Variants in ARHGAP45 observed in about 807,000 individuals in gnomAD.
ARHGAP45 encodes Rho GTPase activating protein 45.
Under a neutral mutation model 116.1 loss-of-function variants are expected in ARHGAP45, and 56 were observed. The ratio of observed to expected loss-of-function variants is 0.48; its 90% confidence interval spans 0.39 to 0.60. The LOEUF is 0.60. ARHGAP45 is among the 20% of genes least tolerant of loss of function. The probability of loss-of-function intolerance (pLI) is 0.00; values close to 1 mark genes in which losing one functional copy is unlikely to be tolerated. For missense variants in ARHGAP45, 1,622 were observed against 1,601.0 expected (o/e 1.01, Z -0.22); for synonymous variants, 866 against 701.7 (o/e 1.23, Z -3.70).
intron 22 of ARHGAP45, among the ~76,000 whole-genome samples, chr19:1,084,617 C>T (rs559339399): frequency 3.3e-5 from 5 of 152,222 alleles, no homozygotes; most frequent in Non-Finnish European, 5.9e-5. Flanking sequence ...TGTGAGGCTC[C>T]AGGTGCACCA....
chr19:1,075,913 T>C (rs2043237590), intron 10 of ARHGAP45, among the ~76,000 whole-genome samples: 1 of 152,226 alleles, frequency 6.6e-6, no homozygotes, highest in African/African-American at 2.4e-5. Flanking sequence ...ATATCTGCCC[T>C]GTTTTGTACA....
chr19:1,074,883 AGGCG>A lies in ARHGAP45; in HGVS notation c.1185+15_1185+18del, dbSNP rs1229281015. On this transcript the variant is annotated splice_donor_5th_base_variant and intron_variant, in intron 10 of 22. Transcript: ENST00000313093. ...GCACCGTGCCCAGAGGAAGCTGGTGAGGCGGGCGGGCGGGGGCGGGCGGGGGCGG... is the reference window on the plus strand; with the variant it reads ...GCACCGTGCCCAGAGGAAGCTGGTGAGGCGGGCGGGGGCGGGCGGGGGCGG... 6.6e-4 allele frequency: 66 copies of A among 100,614 alleles called. No homozygotes were observed. Among genetic ancestry groups the A allele is most frequent in the East Asian group, 1.0e-3 (2 of 1,910 alleles). The allele number at this position is 100,614 out of a possible 1,614,324, so 6.2% of individuals were successfully genotyped here.
At chr19:1,067,713 C>T (rs1202336550) in intron 1 of ARHGAP45, 1 of 696,470 alleles carries the variant, frequency 1.4e-6, no homozygotes, top group Admixed American at 2.1e-5. Flanking sequence ...CCCTCCACTC[C>T]ATCCAGGGCT....
intron 2 of ARHGAP45, 79 bp from the exon 3 acceptor site, chr19:1,073,070 C>T: frequency 1.4e-6 from 2 of 1,472,146 alleles, no homozygotes; most frequent in Non-Finnish European, 1.8e-6. Flanking sequence ...GGAACAGGAG[C>T]TCTAAAGAGG....
chr19:1,081,660 C>T lies in ARHGAP45; in HGVS notation c.2301C>T (p.Ala767=), dbSNP rs773364539. 12 of 1,583,074 alleles carry T rather than the reference C, an allele frequency of 7.6e-6. No homozygotes were observed. The highest frequency in any genetic ancestry group is 5.4e-5 in the African/African-American group (4 of 74,160). ...TCGGCCAGGACTTCAGCCACGCGGC[C>T]CGCAGCGCCCCCGACGGCGTGCCCT... ...QLFGQDFSHA[A]RSAPDGVPFI... Residue 767 remains alanine (A), a synonymous_variant, in exon 18 of 23, where the codon GCC becomes GCT. Transcript: ENST00000313093.
chr19:1,080,098 C>G lies in ARHGAP45; in HGVS notation c.1683C>G (p.Pro561=). The change falls in exon 13 of 23, where the codon CCC becomes CCG. Residue 561 remains proline, a synonymous_variant. Coordinates refer to ENST00000313093, the MANE Select transcript of ARHGAP45 (RefSeq NM_012292.5). ...CCGATGTGCACTACGACTTTGAGCC[C>G]CACGTCTCCGCCAACGCCTGGTACC... ...QEPDVHYDFE[P]HVSANAWSPV... 1 of 1,612,258 alleles carries G rather than the reference C, an allele frequency of 6.2e-7. No individual in the cohort carries two copies. Among genetic ancestry groups the G allele is most frequent in the Non-Finnish European group, 8.5e-7 (1 of 1,179,804 alleles).
Position 1,074,871 on chromosome 19 carries a change from A to T in ARHGAP45, c.1177A>T (p.Arg393Trp), listed in dbSNP as rs754858373. Residue 393 changes from arginine (R) to tryptophan (W), a missense_variant, in exon 10 of 23, where the codon AGG (arginine) becomes TGG (tryptophan). Around this residue, in one of 3 missense-constraint regions of ARHGAP45, gnomAD observed 1,334 missense variants for 1,263.8 expected, o/e 1.06. Coordinates refer to ENST00000313093, the MANE Select transcript of ARHGAP45 (RefSeq NM_012292.5). ...CAAGGAGGCCTGGCACCGTGCCCAGAGGAAGCTGGTGAGGCGGGCGGGCGG... is the reference window on the plus strand; with the variant it reads ...CAAGGAGGCCTGGCACCGTGCCCAGTGGAAGCTGGTGAGGCGGGCGGGCGG... ...EIKEAWHRAQ[R>W]KLQEAESNLR... The T allele has an allele frequency of 1.2e-6, 1 of 858,048 alleles. No homozygotes were observed. The highest frequency in any genetic ancestry group is 1.6e-5 in the South Asian group (1 of 62,030). The allele number at this position is 858,048 out of a possible 1,614,324, so 53.2% of individuals were successfully genotyped here. A position where few individuals can be genotyped will look rare whatever the true frequency, so the allele number is the denominator to read the frequency against.
chr19:1,079,768 G>C lies in ARHGAP45; in HGVS notation c.1440G>C (p.Leu480=). ...VADAKTQKQE[L]EDTKVTALRQ... Reference sequence around the variant, plus strand: ...ACGCGAAGACGCAGAAGCAGGAGCTGGAGGATACCAAGGTGACGGCGCTGC... The same window carrying C: ...ACGCGAAGACGCAGAAGCAGGAGCTCGAGGATACCAAGGTGACGGCGCTGC... The change falls in exon 12 of 23, where the codon CTG becomes CTC. Residue 480 remains leucine (L), a synonymous_variant. Transcript: ENST00000313093. 6.2e-7 allele frequency: 1 copy of C among 1,612,486 alleles called. No individual in the cohort carries two copies.
chr19:1,067,374 C>T lies in ARHGAP45; in HGVS notation c.-32C>T, dbSNP rs1411810436. 3.3e-6 allele frequency: 5 copies of T among 1,535,822 alleles called. No homozygotes were observed. In the Admixed American group the frequency reaches 6.4e-5, roughly 20 times the overall value. On this transcript the variant is annotated 5_prime_UTR_variant, in exon 1 of 23. Coordinates refer to ENST00000313093, the MANE Select transcript of ARHGAP45 (RefSeq NM_012292.5). ...AGCTGCAGCGCTGAGACCCCCAGCC[C>T]GCCCCCTCGGGCTCCCGGCCGGGGC...
intron 22 of ARHGAP45, 91 bp from the exon 23 acceptor site, chr19:1,085,569 G>GTCTCTCTCCCCCCTCTCCTC: frequency 1.3e-6 from 1 of 749,350 alleles, no homozygotes; most frequent in Non-Finnish European, 2.0e-6. Context: ...CCCCTCTCCT[G>GTCTCTCTCCCCCCTCTCCTC]TCTCTCCCCA....
chr19:1,077,803 G>A (rs1177166098), intron 10 of ARHGAP45, 54 bp from the exon 11 acceptor site: 1 of 1,550,528 alleles, frequency 6.4e-7, no homozygotes, highest in Non-Finnish European at 8.7e-7. Context: ...TGGGGAGACT[G>A]AGTCCCATCC....
chr19:1,071,241 C>T lies in ARHGAP45; in HGVS notation c.422-1908C>T. ...GCCACCGGAGACCCCCATCGGTCAG[C>T]TGCCAGGCCCCACGCGCTCGCGGTC... is the stretch of plus-strand genomic sequence containing the variant. On this transcript the variant is annotated intron_variant, in intron 2 of 22. Coordinates refer to ENST00000313093, the MANE Select transcript of ARHGAP45 (RefSeq NM_012292.5). This position sits in a 1 kb window ranked among gnomAD's most constrained non-coding sequence, Gnocchi z 4.6. The T allele has an allele frequency of 6.8e-7, 1 of 1,472,434 alleles. No individual in the cohort carries two copies. Among genetic ancestry groups the T allele is most frequent in the Non-Finnish European group, 9.0e-7 (1 of 1,115,514 alleles). 91.2% of individuals were successfully genotyped at this position (1,472,434 alleles called of 1,614,324 possible). A position where few individuals can be genotyped will look rare whatever the true frequency, so the allele number is the denominator to read the frequency against.
chr19:1,070,219 C>T (rs979476171), intron 2 of ARHGAP45, among the ~76,000 whole-genome samples: 4 of 151,968 alleles, frequency 2.6e-5, no homozygotes, highest in African/African-American at 9.7e-5. Context: ...TGGTCTCAAA[C>T]CCCTAACCTC....
chr19:1,081,071 G>A lies in ARHGAP45; in HGVS notation c.2190+7G>A, dbSNP rs1159967502. On this transcript the variant is annotated splice_region_variant and intron_variant, in intron 17 of 22. Transcript: ENST00000313093. ...GGGTGCTGAGTGTGAAGAGGTGAGT[G>A]GGACGCCCCGACGGACAGCTGGGAG... The A allele has an allele frequency of 3.1e-6, 5 of 1,596,240 alleles. 1 individual carries two copies. Among genetic ancestry groups the A allele is most frequent in the South Asian group, 2.3e-5 (2 of 88,492 alleles).
At chr19:1,078,100 TG>T (rs2043311342) in intron 11 of ARHGAP45, 55 bp downstream of exon 11, 1 of 1,512,104 alleles carries the variant, frequency 6.6e-7, no homozygotes, top group African/African-American at 1.4e-5. Context: ...ATCCAATGCT[TG>T]GTGTGACATT....
At chr19:1,084,903 G>A (rs1668072704) in intron 22 of ARHGAP45, among the ~76,000 whole-genome samples, 1 of 152,182 alleles carries the variant, frequency 6.6e-6, no homozygotes, top group Non-Finnish European at 1.5e-5. Flanking sequence ...CCAACATGGT[G>A]AAATCCCATC....
rs913223838 is a variant in ARHGAP45, at chr19:1,071,269, C to T, written c.422-1880C>T. ...CCAGGCCCCACGCGCTCGCGGTCTC[C>T]GCGCCCCGACGGCTGCGCCATGTGT... On this transcript the variant is annotated intron_variant, in intron 2 of 22. Coordinates refer to ENST00000313093, the MANE Select transcript of ARHGAP45 (RefSeq NM_012292.5). The surrounding 1 kb of genome is among the most constrained non-coding windows in gnomAD (Gnocchi z 4.6). The T allele has an allele frequency of 4.7e-6, 7 of 1,479,870 alleles. No homozygotes were observed. The African/African-American group carries it at 5.9e-5, about 12-fold the overall frequency. The allele number at this position is 1,479,870 out of a possible 1,614,324, so 91.7% of individuals were successfully genotyped here. A position where few individuals can be genotyped will look rare whatever the true frequency, so the allele number is the denominator to read the frequency against.
intron 10 of ARHGAP45, chr19:1,077,374 CTTTTTTTT>C (rs34571690): frequency 3.2e-4 from 296 of 921,052 alleles, no homozygotes; most frequent in Middle Eastern, 1.1e-3. Context: ...TCCTCCCGTT[CTTTTTTTT>C]TTTTTTTTTT....
In ARHGAP45 at chr19:1,068,524, C is replaced by T. The variant is rs769349535; in HGVS notation, c.201C>T (p.Ser67=). The T allele has an allele frequency of 6.2e-5, 100 of 1,604,754 alleles. No homozygotes were observed. The highest frequency in any genetic ancestry group is 8.0e-5 in the African/African-American group (6 of 74,746). The change falls in exon 2 of 23, where the codon AGC becomes AGT. Residue 67 remains serine, a synonymous_variant. Transcript: ENST00000313093. This position sits in a 1 kb window ranked among gnomAD's most constrained non-coding sequence, Gnocchi z 7.5. ...CAGGGACCCTCAAGCGGCCCACCAG[C>T]CTGAGCCGCCACGCCAGCGCGGCTG... ...KATGTLKRPT[S]LSRHASAAGF...
Sources: allele counts gnomAD v4.1 joint callset (sites outside exome capture counted in the v4.1 genomes callset), GRCh38; gene constraint gnomAD v4.1.1; regional missense constraint gnomAD v4.1.1; non-coding constraint Gnocchi (gnomAD v3.1); transcripts MANE v1.5; gene names NCBI Gene and HGNC (gene_info 2026-07-23, HGNC 2026-07-21).